The following CSMD1 variants were observed in gnomAD, a reference collection of about 807,000 sequenced individuals.
CSMD1 encodes CUB and sushi domain-containing protein 1.
In CSMD1, 213 loss-of-function variants were observed where a neutral mutation model predicts 417.5. The ratio of observed to expected loss-of-function variants is 0.51; its 90% CI spans 0.46 to 0.57. The LOEUF (loss-of-function observed/expected upper bound fraction) is 0.57. CSMD1 is among the 20% of genes least tolerant of loss of function. CSMD1 has a pLI of 0.00. For missense variants in CSMD1, 6,923 were observed against 4,529.7 expected (o/e 1.53, Z -15.17); for synonymous variants, 2,862 against 1,736.8 (o/e 1.65, Z -16.11).
intron 51 of CSMD1, among the ~76,000 whole-genome samples, 168 bp downstream of exon 51, chr8:3,029,151 A>G (rs1253400659): frequency 6.6e-6 from 1 of 151,972 alleles, no homozygotes; most frequent in East Asian, 1.9e-4. Flanking sequence ...TAAGTATGTC[A>G]CATGACAATA....
chr8:4,464,757 G>A (rs933843386), intron 2 of CSMD1, among the ~76,000 whole-genome samples: 3 of 152,132 alleles, frequency 2.0e-5, no homozygotes, highest in African/African-American at 7.2e-5. Context: ...GCTTTAAGGC[G>A]AGTCCTGCTG....
intron 5 of CSMD1, among the ~76,000 whole-genome samples, chr8:3,820,015 A>G (rs1350574369): frequency 6.6e-6 from 1 of 152,174 alleles, no homozygotes; most frequent in East Asian, 1.9e-4. Context: ...CCACTTGAAC[A>G]TCACAGTCAT....
At chr8:3,497,235 A>G (rs1263801372) in intron 10 of CSMD1, among the ~76,000 whole-genome samples, 1 of 152,148 alleles carries the variant, frequency 6.6e-6, no homozygotes, top group Admixed American at 6.5e-5. Context: ...CCATGCTGAG[A>G]GTAGCAGGAT....
intron 1 of CSMD1, among the ~76,000 whole-genome samples, chr8:4,805,339 T>G (rs146059527): frequency 4.1e-4 from 63 of 152,348 alleles, no homozygotes; most frequent in Non-Finnish European, 6.9e-4. Flanking sequence ...CCTCTGAAAA[T>G]TGTGAAGCAC....
At chr8:3,718,480 A>G (rs943117183) in intron 6 of CSMD1, among the ~76,000 whole-genome samples, 2 of 152,242 alleles carry the variant, frequency 1.3e-5, no homozygotes, top group Non-Finnish European at 2.9e-5. Flanking sequence ...ACCAGGAAAG[A>G]CAGAGGTACT....
intron 1 of CSMD1, among the ~76,000 whole-genome samples, chr8:4,846,566 C>T (rs1041639101): frequency 2.8e-4 from 43 of 152,218 alleles, no homozygotes; most frequent in African/African-American, 1.0e-3. Context: ...GCTTTAAACT[C>T]ATGGTACTTT....
intron 7 of CSMD1, among the ~76,000 whole-genome samples, chr8:3,661,716 C>T (rs990069489): frequency 6.6e-6 from 1 of 152,084 alleles, no homozygotes; most frequent in East Asian, 1.9e-4. Flanking sequence ...AGGCTAGTCT[C>T]GAACTCCTGA....
intron 3 of CSMD1, among the ~76,000 whole-genome samples, chr8:4,392,048 A>G (rs962313648): frequency 7.2e-5 from 11 of 152,190 alleles, no homozygotes; most frequent in South Asian, 2.1e-4. Context: ...TTTGGGGGCA[A>G]TGCGACCCTG....
intron 3 of CSMD1, among the ~76,000 whole-genome samples, chr8:4,251,204 T>C (rs936876592): frequency 5.3e-5 from 8 of 152,126 alleles, no homozygotes; most frequent in African/African-American, 1.9e-4. Context: ...AAGTTTACAA[T>C]AAATAAAACC....
chr8:4,215,640 CAAG>C (rs1347947943), intron 3 of CSMD1, among the ~76,000 whole-genome samples: 1 of 151,914 alleles, frequency 6.6e-6, no homozygotes, highest in African/African-American at 2.4e-5. Flanking sequence ...TTGGATCATA[CAAG>C]AATTGAAAAT....
chr8:3,730,144 C>T (rs1585146265), intron 6 of CSMD1, among the ~76,000 whole-genome samples: 1 of 152,012 alleles, frequency 6.6e-6, no homozygotes, highest in Non-Finnish European at 1.5e-5. Context: ...TGTGATCATC[C>T]TGAAGGCTTC....
chr8:3,361,757 G>T (rs1809198261), intron 20 of CSMD1, among the ~76,000 whole-genome samples: 4 of 151,030 alleles, frequency 2.6e-5, no homozygotes, highest in Non-Finnish European at 5.9e-5. Context: ...GAAACACCAT[G>T]ATCTTATGGT....
intron 5 of CSMD1, 80 bp from the exon 6 acceptor site, chr8:3,754,122 C>T (rs1453891533): frequency 7.3e-6 from 6 of 819,536 alleles, no homozygotes; most frequent in South Asian, 3.2e-5. Flanking sequence ...CTTTGAAATC[C>T]GATTACTTAA....
At chr8:4,149,720 A>G (rs950041541) in intron 3 of CSMD1, among the ~76,000 whole-genome samples, 1 of 152,126 alleles carries the variant, frequency 6.6e-6, no homozygotes, top group African/African-American at 2.4e-5. Context: ...CAACAGAAAC[A>G]TTTTCCAAAT....
At chr8:4,156,594 G>T (rs977015770) in intron 3 of CSMD1, among the ~76,000 whole-genome samples, 1 of 151,942 alleles carries the variant, frequency 6.6e-6, no homozygotes, top group African/African-American at 2.4e-5. Flanking sequence ...CATTCAGTTA[G>T]TGACAATATT....
At chr8:4,772,388 G>T (rs930282674) in intron 1 of CSMD1, among the ~76,000 whole-genome samples, 4 of 152,124 alleles carry the variant, frequency 2.6e-5, no homozygotes, top group Non-Finnish European at 5.9e-5. Flanking sequence ...GACTTGAGTG[G>T]TTAGGTTGGG....
intron 11 of CSMD1, 41 bp downstream of exon 11, chr8:3,493,582 C>G (rs1265313553): frequency 5.9e-6 from 9 of 1,529,372 alleles, no homozygotes; most frequent in Middle Eastern, 1.7e-4. Flanking sequence ...GTGCCCCGCA[C>G]TGCATGCATA....
At chr8:3,749,042 C>T (rs565880912) in intron 6 of CSMD1, among the ~76,000 whole-genome samples, 2 of 152,266 alleles carry the variant, frequency 1.3e-5, no homozygotes, top group South Asian at 4.1e-4. Context: ...GTGTGTAAAA[C>T]TGGAGCCCAA....
chr8:4,781,953 A>C (rs1038646739), intron 1 of CSMD1, among the ~76,000 whole-genome samples: 1 of 152,184 alleles, frequency 6.6e-6, no homozygotes, highest in African/African-American at 2.4e-5. Context: ...AAAATATACA[A>C]ATGACAATAA....
Sources: allele counts gnomAD v4.1 joint callset (sites outside exome capture counted in the v4.1 genomes callset), GRCh38; gene constraint gnomAD v4.1.1; transcripts MANE v1.5; gene names NCBI Gene and HGNC (gene_info 2026-07-23, HGNC 2026-07-21).